The following HOOK2 variants were observed in gnomAD, a reference collection of about 807,000 sequenced individuals.
HOOK2 encodes the protein protein Hook homolog 2.
A neutral mutation model predicts 111.9 loss-of-function variants in HOOK2; 108 were observed. The ratio of observed to expected loss-of-function variants is 0.96; its 90% CI spans 0.83 to 1.13. The LOEUF (loss-of-function observed/expected upper bound fraction) is 1.13, where lower values mean the gene tolerates loss of function less well. Ranked by LOEUF, HOOK2 falls within the 50% of genes most tolerant of loss-of-function variation. The pLI, the probability that HOOK2 is intolerant of heterozygous loss-of-function variation, is 0.00. For synonymous variants in HOOK2, 405 were observed against 394.3 expected (o/e 1.03, Z -0.32); for missense variants, 978 against 951.3 (o/e 1.03, Z -0.37).
chr19:12,782,613 C>G (rs1206827887), upstream of HOOK2, among the ~76,000 whole-genome samples: 1 of 151,866 alleles, frequency 6.6e-6, no homozygotes, highest in Admixed American at 6.6e-5. Flanking sequence ...CGTGCAAGCG[C>G]GGGGGGTGGA....
At chr19:12,789,689 G>A (rs1440738449) in intron 3 of HOOK2, among the ~76,000 whole-genome samples, 2 of 151,222 alleles carry the variant, frequency 1.3e-5, no homozygotes, top group Non-Finnish European at 3.0e-5. Flanking sequence ...CGGGGGCGAA[G>A]TCCGACCCAG....
At chr19:12,783,987 C>T (rs1968632150) in intron 3 of HOOK2, among the ~76,000 whole-genome samples, 1 of 151,696 alleles carries the variant, frequency 6.6e-6, no homozygotes, top group African/African-American at 2.4e-5. Flanking sequence ...CCCCCACCCT[C>T]ATTCCAGTGC....
Position 12,772,641 on chromosome 19 carries a change from T to G in HOOK2, c.428A>C (p.Gln143Pro). Residue 143 changes from glutamine (Q) to proline (P), a missense_variant, in exon 6 of 23, where the codon CAG (glutamine) becomes CCG (proline). Transcript: ENST00000397668. Reference sequence around the variant, plus strand: ...TTGGATGGCTTCCATCACCACATGCTGAACCGATTCTTCCAGCGTCATGAT... The same window carrying G: ...TTGGATGGCTTCCATCACCACATGCGGAACCGATTCTTCCAGCGTCATGAT... ...QRIMTLEESVQHVVMEAIQEL... is the reference protein window; with the variant it reads ...QRIMTLEESVPHVVMEAIQEL... 6.2e-7 allele frequency: 1 copy of G among 1,614,232 alleles called. No individual in the cohort carries two copies. Among genetic ancestry groups the G allele is most frequent in the Non-Finnish European group, 8.5e-7 (1 of 1,180,036 alleles).
At position 12,763,619 on chromosome 19, in the gene HOOK2, C is replaced by T. The variant is rs2145717255; in HGVS notation, c.1939-20G>A. 2 of 1,614,244 alleles carry T rather than the reference C, an allele frequency of 1.2e-6. No homozygotes were observed. Among genetic ancestry groups the T allele is most frequent in the East Asian group, 4.5e-5 (2 of 44,890 alleles). On this transcript the variant is annotated intron_variant, in intron 21 of 22. Coordinates refer to ENST00000397668, the MANE Select transcript of HOOK2 (RefSeq NM_013312.3). ...GTCCATCTGTCAAGGAGGCAAGTGT[C>T]AGGGGCCTAGATACGTTGGAGGCAG...
At chr19:12,774,433 G>A in intron 3 of HOOK2, 1 of 596,656 alleles carries the variant, frequency 1.7e-6, no homozygotes, top group Non-Finnish European at 3.0e-6. Flanking sequence ...GGTTGTGTAT[G>A]TGTTGCTTGT....
chr19:12,766,520 G>T (rs911645869), intron 14 of HOOK2: 10 of 430,050 alleles, frequency 2.3e-5, no homozygotes, highest in Non-Finnish European at 4.1e-5. Flanking sequence ...GCGGGAAGCA[G>T]AAATGGGAAG....
intron 20 of HOOK2, 188 bp downstream of exon 20, chr19:12,764,626 C>G (rs776877771): frequency 2.7e-4 from 170 of 619,580 alleles, no homozygotes; most frequent in Non-Finnish European, 4.1e-4. Context: ...CGGCACCCAG[C>G]CAGCTGTGCA....
rs1432947446 is a variant in HOOK2, at chr19:12,764,808, C to T, written c.1827+6G>A. The T allele has an allele frequency of 1.9e-6, 3 of 1,611,438 alleles. No homozygotes were observed. The highest frequency in any genetic ancestry group is 1.7e-6 in the Non-Finnish European group (2 of 1,178,442). ...GGCAACTTGTGGGAACACCCAGCGT[C>T]CTCACCATGCGGGCCTTGTCCACGT... is the stretch of plus-strand genomic sequence containing the variant. On this transcript the variant is annotated splice_donor_region_variant and intron_variant, in intron 20 of 22. Transcript: ENST00000397668.
At position 12,769,915 on chromosome 19, in the gene HOOK2, G is replaced by A. The variant is rs1968266106; in HGVS notation, c.1070C>T (p.Ser357Phe). 1 of 1,530,088 alleles carries A rather than the reference G, an allele frequency of 6.5e-7. No individual in the cohort carries two copies. The highest frequency in any genetic ancestry group is 8.7e-7 in the Non-Finnish European group (1 of 1,147,386). The allele number at this position is 1,530,088 out of a possible 1,614,324, so 94.8% of individuals were successfully genotyped here. A position where few individuals can be genotyped will look rare whatever the true frequency, so the allele number is the denominator to read the frequency against. Residue 357 changes from serine to phenylalanine, a missense_variant, in exon 11 of 23, where the codon TCC becomes TTC. This residue lies in a region of HOOK2 where 388 missense variants were observed against 358.3 expected (regional missense o/e 1.08). Transcript: ENST00000397668. ...CTGCGCCTCCAGCTGGGCGCGCAGGGAGCCCGCTCGGCGTAGCTCATCCTC... is the reference window on the plus strand; with the variant it reads ...CTGCGCCTCCAGCTGGGCGCGCAGGAAGCCCGCTCGGCGTAGCTCATCCTC... ...QLEDELRRAG[S>F]LRAQLEAQRR... is the part of the protein sequence containing the mutation.
In HOOK2 at chr19:12,763,133, C is replaced by T; in HGVS notation, c.*149G>A. ...GAACAGGCCTATATCTACCTCCCGCCCTCCCTCCCCACCAATCTGGGAGAG... is the reference window on the plus strand; with the variant it reads ...GAACAGGCCTATATCTACCTCCCGCTCTCCCTCCCCACCAATCTGGGAGAG... On this transcript the variant is annotated 3_prime_UTR_variant, in exon 23 of 23. Coordinates refer to ENST00000397668, the MANE Select transcript of HOOK2 (RefSeq NM_013312.3). The T allele has an allele frequency of 1.8e-6, 1 of 566,894 alleles. No homozygotes were observed. The highest frequency in any genetic ancestry group is 3.1e-6 in the Non-Finnish European group (1 of 326,754). The allele number at this position is 566,894 out of a possible 1,614,324, so 35.1% of individuals were successfully genotyped here.
chr19:12,779,665 G>A (rs569500653), upstream of HOOK2, among the ~76,000 whole-genome samples: 1 of 152,234 alleles, frequency 6.6e-6, no homozygotes, highest in East Asian at 1.9e-4. Context: ...CAAATGTGCT[G>A]GTCTTTGTAG....
In HOOK2 at chr19:12,772,618, G is replaced by C. The variant is rs774919899; in HGVS notation, c.451C>G (p.Gln151Glu). 1.7e-5 allele frequency: 27 copies of C among 1,613,912 alleles called. No homozygotes were observed. Among genetic ancestry groups the C allele is most frequent in the Non-Finnish European group, 2.1e-5 (25 of 1,179,968 alleles). ...CACTGAGTGCCCCCACCCACCTCTT[G>C]GATGGCTTCCATCACCACATGCTGA... ...SVQHVVMEAI[Q>E]ELMTKDTPDS... is the part of the protein sequence containing the mutation. Residue 151 changes from glutamine (Q) to glutamate (E), a missense_variant, in exon 6 of 23, where the codon CAA becomes GAA. Gln to Glu is a conservative substitution (Grantham distance 29). Transcript: ENST00000397668.
At chr19:12,782,720 G>A (rs1199300420), upstream of HOOK2, among the ~76,000 whole-genome samples, 4 of 152,178 alleles carry the variant, frequency 2.6e-5, no homozygotes, top group African/African-American at 9.6e-5. Context: ...GCCCCGCCCC[G>A]GCCGGGACCT....
chr19:12,783,454 T>C (rs1968627423), upstream of HOOK2, among the ~76,000 whole-genome samples: 1 of 150,442 alleles, frequency 6.6e-6, no homozygotes. Flanking sequence ...GCCGTTTTCT[T>C]ATTCATTTCA....
Position 12,791,780 on chromosome 19 carries a change from T to G in HOOK2, n.42-17555A>C. 6.2e-7 allele frequency: 1 copy of G among 1,608,260 alleles called. No individual in the cohort carries two copies. Among genetic ancestry groups the G allele is most frequent in the Admixed American group, 1.7e-5 (1 of 59,530 alleles). On this transcript the variant is annotated intron_variant and non_coding_transcript_variant, in intron 3 of 3. Transcript: ENST00000589765. The surrounding 1 kb of genome is among the most constrained non-coding windows in gnomAD (Gnocchi z 7.0). ...CCGCCTGGGCCGCCCGGATGTGCAC[T>G]AAAATGGAACAGCCCTTCTACCACG...
At chr19:12,769,660 C>T (rs541236175) in intron 11 of HOOK2, among the ~76,000 whole-genome samples, 1 of 152,268 alleles carries the variant, frequency 6.6e-6, no homozygotes, top group South Asian at 2.1e-4. Context: ...CATGGTGAAG[C>T]GGCGGGCATC....
rs543037779 is a variant in HOOK2 at position 12,786,283 on chromosome 19, G to A, written n.42-12058C>T. On this transcript the variant is annotated intron_variant and non_coding_transcript_variant, in intron 3 of 3. Transcript: ENST00000589765. This position sits in a 1 kb window ranked among gnomAD's most constrained non-coding sequence, Gnocchi z 4.3. ...CTGCGATTTGTGGGTTCTCGCCCTG[G>A]CCTGCCCACTGGCTGACTCACAGGC... is the stretch of plus-strand genomic sequence containing the variant. 9.1e-4 allele frequency among the ~76,000 whole-genome samples: 138 copies of A among 152,088 alleles called. No individual in the cohort carries two copies. Among genetic ancestry groups the A allele is most frequent in the Non-Finnish European group, 1.7e-3 (114 of 67,994 alleles).
At chr19:12,780,926 G>A (rs564231847), upstream of HOOK2, among the ~76,000 whole-genome samples, 4 of 137,994 alleles carry the variant, frequency 2.9e-5, no homozygotes, top group Admixed American at 7.3e-5. Context: ...TGCAGTGAGC[G>A]GAGATGGCTC....
At chr19:12,782,061 G>A (rs1968607868), upstream of HOOK2, among the ~76,000 whole-genome samples, 1 of 152,140 alleles carries the variant, frequency 6.6e-6, no homozygotes, top group South Asian at 2.1e-4. Flanking sequence ...TTGCTATGTT[G>A]CCCAGGCTGG....
Sources: allele counts gnomAD v4.1 joint callset (sites outside exome capture counted in the v4.1 genomes callset), GRCh38; gene constraint gnomAD v4.1.1; regional missense constraint gnomAD v4.1.1; non-coding constraint Gnocchi (gnomAD v3.1); transcripts MANE v1.5; gene names NCBI Gene and HGNC (gene_info 2026-07-23, HGNC 2026-07-21).